Variants in BRSK1 observed in about 807,000 individuals in gnomAD.
The protein encoded by BRSK1 is serine/threonine-protein kinase BRSK1.
BRSK1 carries 17 observed loss-of-function variants against 86.2 expected under a neutral mutation model. That is an observed-to-expected ratio of 0.20 (90% CI 0.14 to 0.30). BRSK1 has a LOEUF of 0.30. BRSK1 is among the 10% of genes least tolerant of loss of function. BRSK1 has a pLI of 1.00. For missense variants in BRSK1, 719 were observed against 1,071.9 expected, an observed-to-expected ratio of 0.67 and a Z score of 4.60; for synonymous variants, 464 against 440.1, an observed-to-expected ratio of 1.05 and a Z score of -0.68.
chr19:55,310,641 G>C lies in BRSK1; in HGVS notation c.2180-1270G>C, dbSNP rs149574900. On this transcript the variant is annotated intron_variant, in intron 18 of 18. Coordinates refer to ENST00000309383, the MANE Select transcript of BRSK1 (RefSeq NM_032430.2). This position sits in a 1 kb window ranked among gnomAD's most constrained non-coding sequence, Gnocchi z 5.0. The stretch of plus-strand genomic sequence containing the variant: ...ATGCCAATGGCCTCTTGTAGGTGGA[G>C]GCCAGGGATGCTGTAAAACACCCTA... Among the ~76,000 whole-genome samples, 1,101 of 152,278 alleles carry C rather than the reference G, an allele frequency of 7.2e-3. 10 individuals are homozygous for C. Among genetic ancestry groups the C allele is most frequent in the African/African-American group, 0.025 (1,045 of 41,558 alleles).
At position 55,302,957 on chromosome 19, in the gene BRSK1, C is replaced by A; in HGVS notation, c.1028+90C>A. 1.3e-6 allele frequency: 2 copies of A among 1,498,058 alleles called. No individual in the cohort carries two copies. The highest frequency in any genetic ancestry group is 1.8e-6 in the Non-Finnish European group (2 of 1,114,834). 92.8% of individuals were successfully genotyped at this position (1,498,058 alleles called of 1,614,324 possible). A position where few individuals can be genotyped will look rare whatever the true frequency, so the allele number is the denominator to read the frequency against. On this transcript the variant is annotated intron_variant, in intron 10 of 18. Transcript: ENST00000309383. The surrounding 1 kb of genome is among the most constrained non-coding windows in gnomAD (Gnocchi z 6.3). Reference sequence around the variant, plus strand: ...ACATGCAGAGTGCTGGGCGAGGAACCCTGGCCTCTCATGGGGCATGGTTTG... The same window carrying A: ...ACATGCAGAGTGCTGGGCGAGGAACACTGGCCTCTCATGGGGCATGGTTTG...
At chr19:55,298,131 A>G (rs1267966437) in intron 7 of BRSK1, among the ~76,000 whole-genome samples, 1 of 150,914 alleles carries the variant, frequency 6.6e-6, no homozygotes, top group Admixed American at 6.6e-5. Flanking sequence ...GAGGGTTTAA[A>G]TAAATGCTGC....
In BRSK1 at chr19:55,304,671, G is replaced by GAGC. The variant is rs1416320658; in HGVS notation, c.1472_1474dup (p.Gln491dup). On this transcript the variant is annotated inframe_insertion, in exon 14 of 19. Transcript: ENST00000309383. The surrounding 1 kb of genome is among the most constrained non-coding windows in gnomAD (Gnocchi z 5.2). ...GGGCCCCAGGGGTGGGGGCGCCGGG[G>GAGC]AGCAGCCCCCGCCCCCCAGTGCCCG... is the stretch of plus-strand genomic sequence containing the variant. 1 of 1,490,036 alleles carries GAGC rather than the reference G, an allele frequency of 6.7e-7. No individual in the cohort carries two copies. The highest frequency in any genetic ancestry group is 2.5e-5 in the Admixed American group (1 of 40,432). 92.3% of individuals were successfully genotyped at this position (1,490,036 alleles called of 1,614,324 possible).
chr19:55,309,558 T>C (rs1004469496), intron 18 of BRSK1, among the ~76,000 whole-genome samples: 6 of 152,160 alleles, frequency 3.9e-5, no homozygotes, highest in Non-Finnish European at 7.4e-5. Flanking sequence ...AGACAGCACG[T>C]TGGTGCTGTG....
chr19:55,297,788 G>A (rs1480421105), intron 7 of BRSK1, among the ~76,000 whole-genome samples: 1 of 152,000 alleles, frequency 6.6e-6, no homozygotes, highest in East Asian at 1.9e-4. Context: ...TCATTGTAAG[G>A]GTTTTGTTTT....
chr19:55,307,745 TATACAC>T (rs1230249186), intron 17 of BRSK1, among the ~76,000 whole-genome samples: 5 of 52,696 alleles, frequency 9.5e-5, no homozygotes, highest in African/African-American at 1.9e-4. Flanking sequence ...CAAAAAAATT[TATACAC>T]ACACACACAC....
rs935934730 is a variant in BRSK1, at chr19:55,287,955, G to A, written c.317+656G>A. ...GTTCCCCCCCGGCACCCAGTCCCCCGGATGAACTGACATCAGGTCCGTCGA... is the reference window on the plus strand; with the variant it reads ...GTTCCCCCCCGGCACCCAGTCCCCCAGATGAACTGACATCAGGTCCGTCGA... On this transcript the variant is annotated intron_variant, in intron 3 of 18. Transcript: ENST00000309383. The surrounding 1 kb of genome is among the most constrained non-coding windows in gnomAD (Gnocchi z 5.3). 6.4e-5 allele frequency: 10 copies of A among 156,064 alleles called. No individual in the cohort carries two copies. Among genetic ancestry groups the A allele is most frequent in the Admixed American group, 5.5e-4 (9 of 16,410 alleles). 9.7% of individuals were successfully genotyped at this position (156,064 alleles called of 1,614,324 possible).
At chr19:55,288,473 CA>C (rs1233222342) in intron 3 of BRSK1, among the ~76,000 whole-genome samples, 200 of 55,916 alleles carry the variant, frequency 3.6e-3, no homozygotes, top group African/African-American at 8.4e-3. Context: ...GACTCTGTCT[CA>C]AAAAAAAAAA....
Position 55,309,405 on chromosome 19 carries a change from G to A in BRSK1, c.2179+677G>A, listed in dbSNP as rs148014939. Among the ~76,000 whole-genome samples, 324 of 152,268 alleles carry A rather than the reference G, an allele frequency of 2.1e-3. 1 individual carries two copies. Among genetic ancestry groups the A allele is most frequent in the East Asian group, 7.9e-3 (41 of 5,170 alleles). The stretch of plus-strand genomic sequence containing the variant: ...GTTTGTTGCAAAGGTGTCTTAGTTC[G>A]TTCAGGCTACTATAAGAAAATACCA... On this transcript the variant is annotated intron_variant, in intron 18 of 18. Transcript: ENST00000309383.
chr19:55,292,505 C>T (rs1253399851), intron 4 of BRSK1, among the ~76,000 whole-genome samples: 2 of 152,122 alleles, frequency 1.3e-5, no homozygotes, highest in African/African-American at 4.8e-5. Context: ...CTTACTTTCT[C>T]TCCAGTTTTG....
chr19:55,302,940 A>T lies in BRSK1; in HGVS notation c.1028+73A>T. 6.5e-7 allele frequency: 1 copy of T among 1,541,934 alleles called. No individual in the cohort carries two copies. The highest frequency in any genetic ancestry group is 1.2e-5 in the South Asian group (1 of 82,260). ...GCAGCAGCTCCCTGCGCACATGCAGAGTGCTGGGCGAGGAACCCTGGCCTC... is the reference window on the plus strand; with the variant it reads ...GCAGCAGCTCCCTGCGCACATGCAGTGTGCTGGGCGAGGAACCCTGGCCTC... On this transcript the variant is annotated intron_variant, in intron 10 of 18. Coordinates refer to ENST00000309383, the MANE Select transcript of BRSK1 (RefSeq NM_032430.2). This position sits in a 1 kb window ranked among gnomAD's most constrained non-coding sequence, Gnocchi z 6.3.
intron 17 of BRSK1, 35 bp from the exon 18 acceptor site, chr19:55,308,604 C>G (rs757715424): frequency 6.4e-7 from 1 of 1,569,046 alleles, no homozygotes; most frequent in South Asian, 1.1e-5. Context: ...TCCTGGACCC[C>G]CAGTCAGTGT....
In BRSK1 at chr19:55,302,498, C is replaced by T. The variant is rs1392358544; in HGVS notation, c.858-199C>T. ...GGGCCGGGGGCCTGGACCCCTCGGT[C>T]GGAGGGAAAAGGGGCTGGAGGTCTG... On this transcript the variant is annotated intron_variant, in intron 9 of 18. Transcript: ENST00000309383. The surrounding 1 kb of genome is among the most constrained non-coding windows in gnomAD (Gnocchi z 6.3). The T allele has an allele frequency of 7.3e-6, 5 of 686,122 alleles. No individual in the cohort carries two copies. The highest frequency in any genetic ancestry group is 2.0e-5 in the South Asian group (1 of 49,348). The allele number at this position is 686,122 out of a possible 1,614,324, so 42.5% of individuals were successfully genotyped here. A position where few individuals can be genotyped will look rare whatever the true frequency, so the allele number is the denominator to read the frequency against.
chr19:55,300,732 G>A (rs192321594), intron 7 of BRSK1, among the ~76,000 whole-genome samples: 130 of 152,276 alleles, frequency 8.5e-4, no homozygotes, highest in African/African-American at 3.1e-3. Context: ...CCAGCTACTC[G>A]GGAGGTTGAG....
chr19:55,305,056 G>C, intron 14 of BRSK1, 136 bp downstream of exon 14: 3 of 1,378,294 alleles, frequency 2.2e-6, no homozygotes, highest in Non-Finnish European at 1.9e-6. Flanking sequence ...GAGAAGAGGG[G>C]GTTTGAAGCA....
In BRSK1 at chr19:55,302,968, A is replaced by C. The variant is rs1263771290; in HGVS notation, c.1028+101A>C. 2.1e-6 allele frequency: 3 copies of C among 1,459,858 alleles called. No homozygotes were observed. The highest frequency in any genetic ancestry group is 1.4e-5 in the South Asian group (1 of 73,346). The allele number at this position is 1,459,858 out of a possible 1,614,324, so 90.4% of individuals were successfully genotyped here. ...GCTGGGCGAGGAACCCTGGCCTCTC[A>C]TGGGGCATGGTTTGAAGCTCCCGCC... On this transcript the variant is annotated intron_variant, in intron 10 of 18. Coordinates refer to ENST00000309383, the MANE Select transcript of BRSK1 (RefSeq NM_032430.2). This position sits in a 1 kb window ranked among gnomAD's most constrained non-coding sequence, Gnocchi z 6.3.
chr19:55,308,060 G>A (rs1178708572), intron 17 of BRSK1, among the ~76,000 whole-genome samples: 5 of 144,838 alleles, frequency 3.5e-5, no homozygotes, highest in Non-Finnish European at 6.0e-5. Context: ...TTGCTCTGTC[G>A]TCCAGGCTGG....
At position 55,301,601 on chromosome 19, in the gene BRSK1, A is replaced by T. The variant is rs371364099; in HGVS notation, c.768A>T (p.Pro256=). 2 of 1,613,268 alleles carry T rather than the reference A, an allele frequency of 1.2e-6. No individual in the cohort carries two copies. Among genetic ancestry groups the T allele is most frequent in the African/African-American group, 2.7e-5 (2 of 74,896 alleles). The part of the protein sequence containing the change: ...GVFHMPHFIP[P]DCQSLLRGMI... ...TCCACATGCCCCACTTCATTCCTCCAGATTGCCAGAGCCTCCTGAGGGGAA... is the reference window on the plus strand; with the variant it reads ...TCCACATGCCCCACTTCATTCCTCCTGATTGCCAGAGCCTCCTGAGGGGAA... Residue 256 remains proline, a synonymous_variant, in exon 8 of 19, where the codon CCA becomes CCT. Transcript: ENST00000309383.
In BRSK1 at chr19:55,298,299, G is replaced by A. The variant is rs144609434; in HGVS notation, c.679-3213G>A. ...AGTGCAATGGCTTGATCTTCTTCGCGGCAACCTCCACCTCCTGGGTTCAAG... is the reference window on the plus strand; with the variant it reads ...AGTGCAATGGCTTGATCTTCTTCGCAGCAACCTCCACCTCCTGGGTTCAAG... On this transcript the variant is annotated intron_variant, in intron 7 of 18. Coordinates refer to ENST00000309383, the MANE Select transcript of BRSK1 (RefSeq NM_032430.2). Among the ~76,000 whole-genome samples the A allele has an allele frequency of 2.9e-4, 38 of 128,886 alleles. 1 individual carries two copies. In the East Asian group the frequency reaches 7.7e-3, roughly 26 times the overall value. 84.6% of individuals were successfully genotyped at this position (128,886 alleles called of 152,430 possible).
Sources: allele counts gnomAD v4.1 joint callset (sites outside exome capture counted in the v4.1 genomes callset), GRCh38; gene constraint gnomAD v4.1.1; non-coding constraint Gnocchi (gnomAD v3.1); transcripts MANE v1.5; gene names NCBI Gene and HGNC (gene_info 2026-07-23, HGNC 2026-07-21).